Variants in FABP7 observed in about 807,000 individuals in gnomAD.
FABP7 encodes fatty acid-binding protein, brain.
FABP7 carries 13 observed loss-of-function variants against 14.2 expected under a neutral mutation model. That is an observed-to-expected ratio of 0.91 (90% CI 0.59 to 1.45). The LOEUF is 1.45. Ranked by LOEUF, FABP7 falls within the 40% of genes most tolerant of loss-of-function variation. FABP7 has a pLI of 0.00. For missense variants in FABP7, 149 were observed against 157.6 expected (o/e 0.95, Z 0.29); for synonymous variants, 49 against 51.4 (o/e 0.95, Z 0.20).
the FABP7 span, among the ~76,000 whole-genome samples, chr6:122,755,611 G>A: frequency 2.0e-4 from 31 of 151,278 alleles, no homozygotes; most frequent in African/African-American, 6.5e-4. Context: ...CTGCCACCAC[G>A]CCCGGCTAAT....
At chr6:122,783,515 G>A (rs920013012) in intron 3 of FABP7, 1 of 985,244 alleles carries the variant, frequency 1.0e-6, no homozygotes, top group African/African-American at 1.7e-5. Flanking sequence ...TAATCCCAGT[G>A]TTTGCTTCAT....
chr6:122,763,720 A>C, the FABP7 span, among the ~76,000 whole-genome samples: 1 of 152,230 alleles, frequency 6.6e-6, no homozygotes, highest in Non-Finnish European at 1.5e-5. Flanking sequence ...CCCATCAACA[A>C]GTGGGTGAAG....
At chr6:122,768,323 A>G in the FABP7 span, among the ~76,000 whole-genome samples, 5 of 152,182 alleles carry the variant, frequency 3.3e-5, no homozygotes, top group African/African-American at 1.2e-4. Flanking sequence ...CCTATGACCA[A>G]TCAATGATCC....
At chr6:122,775,993 G>A (rs1375519494), upstream of FABP7, among the ~76,000 whole-genome samples, 1 of 152,022 alleles carries the variant, frequency 6.6e-6, no homozygotes, top group African/African-American at 2.4e-5. Flanking sequence ...ACCACAATGA[G>A]ATATCACCTC....
intron 3 of FABP7, chr6:122,783,356 C>T (rs911805760): frequency 1.0e-5 from 10 of 984,620 alleles, no homozygotes; most frequent in Middle Eastern, 1.0e-3. Flanking sequence ...GAATTGAAAA[C>T]TGTTATGTAA....
At chr6:122,778,935 A>ATTTTCCC (rs1780718302), upstream of FABP7, among the ~76,000 whole-genome samples, 1 of 152,046 alleles carries the variant, frequency 6.6e-6, no homozygotes, top group Non-Finnish European at 1.5e-5. Context: ...GATCGGGGGG[A>ATTTTCCC]AAAGCATTCT....
the FABP7 span, among the ~76,000 whole-genome samples, chr6:122,753,244 T>G: frequency 6.6e-6 from 1 of 152,180 alleles, no homozygotes; most frequent in African/African-American, 2.4e-5. Context: ...TTTCGGAAAT[T>G]CAGAACTTCA....
At chr6:122,760,944 G>A in the FABP7 span, among the ~76,000 whole-genome samples, 1 of 152,088 alleles carries the variant, frequency 6.6e-6, no homozygotes, top group Non-Finnish European at 1.5e-5. Flanking sequence ...TAACTAATCA[G>A]ATTTTTATTA....
At chr6:122,774,359 C>CAAAAAAAAAAA in the FABP7 span, among the ~76,000 whole-genome samples, 3 of 66,622 alleles carry the variant, frequency 4.5e-5, no homozygotes, top group East Asian at 5.1e-4. Flanking sequence ...TAGACTCTGT[C>CAAAAAAAAAAA]AAAAAAAAAA....
the FABP7 span, among the ~76,000 whole-genome samples, chr6:122,767,308 A>G: frequency 6.6e-6 from 1 of 152,118 alleles, no homozygotes; most frequent in African/African-American, 2.4e-5. Context: ...GAAGAGTAAC[A>G]AATTGGGAGA....
At chr6:122,755,019 T>G in the FABP7 span, among the ~76,000 whole-genome samples, 1 of 152,092 alleles carries the variant, frequency 6.6e-6, no homozygotes, top group Non-Finnish European at 1.5e-5. Flanking sequence ...TTTTTTTTTT[T>G]TCCAGTTCAC....
At chr6:122,782,030 G>A (rs1290377439) in intron 3 of FABP7, 1 of 984,188 alleles carries the variant, frequency 1.0e-6, no homozygotes, top group Non-Finnish European at 1.2e-6. Context: ...GGGATTACAG[G>A]CCTGAGCCAA....
upstream of FABP7, chr6:122,779,503 G>A: frequency 9.2e-6 from 4 of 434,836 alleles, no homozygotes; most frequent in Non-Finnish European, 1.7e-5. Context: ...TGTAGTGTGA[G>A]GATTGGGAGG....
chr6:122,755,042 T>C, the FABP7 span, among the ~76,000 whole-genome samples: 1 of 152,100 alleles, frequency 6.6e-6, no homozygotes, highest in East Asian at 1.9e-4. Context: ...CTTCCAATAG[T>C]GCTACTCCAA....
chr6:122,781,796 A>G (rs1780795065), intron 3 of FABP7: 1 of 745,390 alleles, frequency 1.3e-6, no homozygotes. Context: ...ACTGGAGTGC[A>G]GGGGGTGCAT....
At chr6:122,764,260 C>G in the FABP7 span, among the ~76,000 whole-genome samples, 1 of 151,992 alleles carries the variant, frequency 6.6e-6, no homozygotes, top group Non-Finnish European at 1.5e-5. Context: ...AAGCTGGAAG[C>G]CATTATTCTG....
At chr6:122,777,647 T>A (rs1430695948), upstream of FABP7, among the ~76,000 whole-genome samples, 9 of 152,048 alleles carry the variant, frequency 5.9e-5, no homozygotes, top group Non-Finnish European at 1.0e-4. Context: ...AAAACATTTA[T>A]GTCCAGCCTG....
upstream of FABP7, among the ~76,000 whole-genome samples, chr6:122,775,516 AT>A (rs1780656745): frequency 6.6e-6 from 1 of 152,154 alleles, no homozygotes; most frequent in African/African-American, 2.4e-5. Context: ...TCCAATTAAA[AT>A]GAATCATAGA....
Position 122,781,170 on chromosome 6 carries a change from A to G in FABP7, c.324A>G (p.Glu108=), listed in dbSNP as rs1562339980. ...GCAAAGAAACAAATTTTGTAAGAGAAATTAAGGATGGCAAAATGGTTATGG... is the reference window on the plus strand; with the variant it reads ...GCAAAGAAACAAATTTTGTAAGAGAGATTAAGGATGGCAAAATGGTTATGG... ...WDGKETNFVR[E]IKDGKMVMTL... The change falls in exon 3 of 4, where the codon GAA becomes GAG. Residue 108 remains glutamate, a synonymous_variant. Coordinates refer to ENST00000368444, the MANE Select transcript of FABP7 (RefSeq NM_001446.5). 6.2e-7 allele frequency: 1 copy of G among 1,614,020 alleles called. No homozygotes were observed. The highest frequency in any genetic ancestry group is 8.5e-7 in the Non-Finnish European group (1 of 1,179,956).
Sources: allele counts gnomAD v4.1 joint callset (sites outside exome capture counted in the v4.1 genomes callset), GRCh38; gene constraint gnomAD v4.1.1; transcripts MANE v1.5; gene names NCBI Gene and HGNC (gene_info 2026-07-23, HGNC 2026-07-21).